Variants in CDKL2 observed in about 807,000 individuals in gnomAD.
CDKL2 encodes the protein cyclin-dependent kinase-like 2.
A neutral mutation model predicts 63.9 loss-of-function variants in CDKL2; 64 were observed. That is an observed-to-expected ratio of 1.00 (90% CI 0.82 to 1.23). The LOEUF is 1.23. CDKL2 is among the 50% of genes most tolerant of loss of function. The pLI is 0.00. For missense variants in CDKL2, 656 were observed against 668.0 expected, an observed-to-expected ratio of 0.98 and a Z score of 0.20; for synonymous variants, 211 against 229.2, an observed-to-expected ratio of 0.92 and a Z score of 0.72.
chr4:75,614,801 C>A, intron 2 of CDKL2, among the ~76,000 whole-genome samples: 1 of 151,490 alleles, frequency 6.6e-6, no homozygotes, highest in South Asian at 2.1e-4. Flanking sequence ...AGGAAGGCAC[C>A]AAAAGATCAT....
intron 6 of CDKL2, among the ~76,000 whole-genome samples, chr4:75,601,130 T>C (rs1729173349): frequency 6.6e-6 from 1 of 152,194 alleles, no homozygotes; most frequent in Non-Finnish European, 1.5e-5. Flanking sequence ...TTGCAATCTA[T>C]AGTCTTCATT....
rs538974097 is a variant in CDKL2, at chr4:75,588,915, C to T, written c.1647+2904G>A. The stretch of plus-strand genomic sequence containing the variant: ...GGAATTCCTCAAAGAATGATGAGGA[C>T]TTGTCAAAAGGAGACAGAAGCTACC... On this transcript the variant is annotated intron_variant, in intron 12 of 13. Coordinates refer to ENST00000307465, the MANE Select transcript of CDKL2 (RefSeq NM_001330724.2). Among the ~76,000 whole-genome samples the T allele has an allele frequency of 1.8e-4, 27 of 151,488 alleles. 1 individual carries two copies. Among genetic ancestry groups the T allele is most frequent in the Non-Finnish European group, 2.9e-4 (20 of 67,914 alleles).
chr4:75,611,133 G>C (rs574102873), intron 3 of CDKL2, among the ~76,000 whole-genome samples: 129 of 152,266 alleles, frequency 8.5e-4, no homozygotes, highest in African/African-American at 3.0e-3. Context: ...TGAGAAGAAA[G>C]AGGGTAAGAA....
intron 2 of CDKL2, among the ~76,000 whole-genome samples, chr4:75,615,739 T>A (rs1245529877): frequency 6.6e-6 from 1 of 152,200 alleles, no homozygotes; most frequent in East Asian, 1.9e-4. Flanking sequence ...ACACCTGTAA[T>A]CCCAGTGACT....
intron 6 of CDKL2, 96 bp from the exon 7 acceptor site, chr4:75,600,465 T>A (rs1578329853): frequency 4.9e-6 from 1 of 204,622 alleles, no homozygotes; most frequent in South Asian, 1.1e-4. Flanking sequence ...TAGTCAACGA[T>A]TTTTTTTTTT....
intron 7 of CDKL2, 145 bp downstream of exon 7, chr4:75,600,136 A>T: frequency 1.8e-6 from 1 of 552,460 alleles, no homozygotes; most frequent in South Asian, 2.9e-5. Flanking sequence ...CATTATTGCT[A>T]AGGGAATATG....
At chr4:75,629,710 C>G (rs1161230542) in intron 1 of CDKL2, among the ~76,000 whole-genome samples, 2 of 152,072 alleles carry the variant, frequency 1.3e-5, no homozygotes, top group African/African-American at 4.8e-5. Context: ...GAGGCCGAGG[C>G]GGGCGGATCA....
At chr4:75,605,736 G>C (rs573110286) in intron 4 of CDKL2, 102 bp from the exon 5 acceptor site, 2 of 667,832 alleles carry the variant, frequency 3.0e-6, no homozygotes, top group Admixed American at 2.6e-5. Flanking sequence ...ATGCCAACCA[G>C]AGCATTTCAG....
chr4:75,580,888 G>A (rs1728235915), intron 13 of CDKL2, among the ~76,000 whole-genome samples: 1 of 151,252 alleles, frequency 6.6e-6, no homozygotes, highest in Non-Finnish European at 1.5e-5. Context: ...TTTTAGTAGA[G>A]ACGGGGTTTC....
intron 4 of CDKL2, 144 bp downstream of exon 4, chr4:75,607,039 A>G (rs962322663): frequency 1.9e-5 from 11 of 590,824 alleles, no homozygotes; most frequent in South Asian, 8.6e-5. Context: ...AGCACCAAAA[A>G]TGATTACAAT....
intron 7 of CDKL2, among the ~76,000 whole-genome samples, chr4:75,599,331 G>T (rs573391061): frequency 6.6e-6 from 1 of 152,050 alleles, no homozygotes; most frequent in African/African-American, 2.4e-5. Flanking sequence ...GGAGGCCCAG[G>T]TGGGCAGATC....
chr4:75,581,391 G>A (rs1213737837), intron 13 of CDKL2, among the ~76,000 whole-genome samples: 7 of 152,216 alleles, frequency 4.6e-5, no homozygotes, highest in Admixed American at 3.9e-4. Flanking sequence ...GTTTGTGTAA[G>A]TAAACTGTGA....
intron 2 of CDKL2, among the ~76,000 whole-genome samples, chr4:75,619,682 A>G (rs1246485223): frequency 6.6e-6 from 1 of 151,942 alleles, no homozygotes; most frequent in African/African-American, 2.4e-5. Context: ...ATCTGTTGAC[A>G]AAACCTAAAA....
At chr4:75,627,731 C>CTTTTTTTTTTT (rs57328528) in intron 1 of CDKL2, among the ~76,000 whole-genome samples, 945 of 85,956 alleles carry the variant, frequency 0.011, 2 homozygotes, top group East Asian at 0.036. Context: ...CTTTTTTTTT[C>CTTTTTTTTTTT]TTTTTTTTTT....
chr4:75,580,172 T>G (rs1578308236), intron 13 of CDKL2, among the ~76,000 whole-genome samples: 1 of 152,182 alleles, frequency 6.6e-6, no homozygotes, highest in South Asian at 2.1e-4. Context: ...CTCAGGAGGC[T>G]GAGGCATGAG....
chr4:75,591,994 C>A, intron 11 of CDKL2, 69 bp from the exon 12 acceptor site: 2 of 1,364,900 alleles, frequency 1.5e-6, no homozygotes, highest in Middle Eastern at 1.8e-4. Context: ...TTTTCACATT[C>A]TCTACGTGTT....
chr4:75,607,882 G>C (rs376804039), intron 3 of CDKL2, among the ~76,000 whole-genome samples: 434 of 152,160 alleles, frequency 2.9e-3, no homozygotes, highest in Non-Finnish European at 3.9e-3. Flanking sequence ...GCGCGATCTC[G>C]GCTCACTGCA....
At chr4:75,580,776 C>G (rs1189693537) in intron 13 of CDKL2, among the ~76,000 whole-genome samples, 1 of 148,342 alleles carries the variant, frequency 6.7e-6, no homozygotes, top group Non-Finnish European at 1.5e-5. Context: ...TCTCGGCTCA[C>G]TGCAAGCTCC....
Position 75,624,550 on chromosome 4 carries a change from C to CA in CDKL2, c.168+1270dup, listed in dbSNP as rs1315428959. ...TGGAGGACAGAGCAAGACCCTGTCT[C>CA]AAAAAAACAAAATGAAACGACCGGG... On this transcript the variant is annotated intron_variant, in intron 2 of 13. Transcript: ENST00000307465. Among the ~76,000 whole-genome samples the CA allele has an allele frequency of 2.1e-5, 3 of 142,572 alleles. No individual in the cohort carries two copies. In the East Asian group the frequency reaches 7.4e-4, roughly 35 times the overall value. 93.5% of individuals were successfully genotyped at this position (142,572 alleles called of 152,430 possible). A position where few individuals can be genotyped will look rare whatever the true frequency, so the allele number is the denominator to read the frequency against.
Sources: allele counts gnomAD v4.1 joint callset (sites outside exome capture counted in the v4.1 genomes callset), GRCh38; gene constraint gnomAD v4.1.1; transcripts MANE v1.5; gene names NCBI Gene and HGNC (gene_info 2026-07-23, HGNC 2026-07-21).